Variants in DLGAP3 observed in about 807,000 individuals in gnomAD.
DLGAP3 encodes DLG associated protein 3, also known as disks large-associated protein 3.
A neutral mutation model predicts 81.2 loss-of-function variants in DLGAP3; 17 were observed. The ratio of observed to expected loss-of-function variants is 0.21; its 90% confidence interval spans 0.14 to 0.31. The LOEUF (loss-of-function observed/expected upper bound fraction) is 0.31. Among genes scored for constraint, DLGAP3 ranks in the 10% least tolerant of loss-of-function variants. DLGAP3 has a pLI of 1.00. For missense variants in DLGAP3, 1,124 were observed against 1,388.0 expected (o/e 0.81, Z 3.02); for synonymous variants, 577 against 587.4 (o/e 0.98, Z 0.26).
chr1:34,898,655 A>G (rs1639411027), intron 5 of DLGAP3, among the ~76,000 whole-genome samples: 1 of 152,210 alleles, frequency 6.6e-6, no homozygotes, highest in African/African-American at 2.4e-5. Flanking sequence ...CAAGAACACT[A>G]TTATGATGCC....
rs752428309 is a variant in DLGAP3, at chr1:34,869,061, C to T, written c.2029G>A (p.Val677Met). Residue 677 changes from valine (V) to methionine (M), a missense_variant, in exon 9 of 12, where the codon GTG (valine) becomes ATG (methionine). Physicochemically the swap from Val to Met is conservative, Grantham distance 21. Coordinates refer to ENST00000373347, the MANE Select transcript of DLGAP3 (RefSeq NM_001080418.3). ...AGGTCTGCCTGCACGCCAGCCGTCACACTATTGGAGCGCTTGAACCTTGCT... is the reference window on the plus strand; with the variant it reads ...AGGTCTGCCTGCACGCCAGCCGTCATACTATTGGAGCGCTTGAACCTTGCT... ...RRARFKRSNS[V>M]TAGVQADLEL... 1 of 1,597,790 alleles carries T rather than the reference C, an allele frequency of 6.3e-7. No individual in the cohort carries two copies. The highest frequency in any genetic ancestry group is 8.5e-7 in the Non-Finnish European group (1 of 1,178,746).
In DLGAP3 at chr1:34,865,938, G is replaced by C. The variant is rs1254582031; in HGVS notation, c.*145C>G. 4 of 753,898 alleles carry C rather than the reference G, an allele frequency of 5.3e-6. No individual in the cohort carries two copies. The highest frequency in any genetic ancestry group is 8.8e-6 in the Non-Finnish European group (4 of 453,922). 46.7% of individuals were successfully genotyped at this position (753,898 alleles called of 1,614,324 possible). ...GATCAGGAAGGTAAAAAACCCACGA[G>C]AGTGTGACGGGCCCGGGGGCCGGGG... is the stretch of plus-strand genomic sequence containing the variant. On this transcript the variant is annotated 3_prime_UTR_variant, in exon 12 of 12. Coordinates refer to ENST00000373347, the MANE Select transcript of DLGAP3 (RefSeq NM_001080418.3).
At chr1:34,874,430 G>A (rs552991865) in intron 8 of DLGAP3, among the ~76,000 whole-genome samples, 3 of 152,216 alleles carry the variant, frequency 2.0e-5, no homozygotes, top group Non-Finnish European at 2.9e-5. Context: ...TTTTGGATTT[G>A]GCAGTATTTG....
intron 1 of DLGAP3, among the ~76,000 whole-genome samples, chr1:34,928,489 T>C (rs1295655656): frequency 2.0e-5 from 3 of 151,212 alleles, no homozygotes; most frequent in Non-Finnish European, 4.4e-5. Flanking sequence ...GGGCACCCCC[T>C]GAGGTAGGTG....
intron 1 of DLGAP3, among the ~76,000 whole-genome samples, chr1:34,919,326 T>G (rs1235353391): frequency 6.6e-6 from 1 of 152,134 alleles, no homozygotes; most frequent in Non-Finnish European, 1.5e-5. Flanking sequence ...GACCCCCAAC[T>G]CCCACTTCCT....
chr1:34,883,849 G>A lies in DLGAP3; in HGVS notation c.2000+1129C>T, dbSNP rs554504972. 3.9e-5 allele frequency among the ~76,000 whole-genome samples: 6 copies of A among 152,126 alleles called. No individual in the cohort carries two copies. In the South Asian group the frequency reaches 8.3e-4, roughly 21 times the overall value. ...CAAGGACATCCCAGAAATAGCTGGG[G>A]AAATCTGGGCGAAGGACAGCAACTG... On this transcript the variant is annotated intron_variant, in intron 8 of 11. Transcript: ENST00000373347.
chr1:34,907,619 A>G (rs189668258), intron 1 of DLGAP3, among the ~76,000 whole-genome samples, 182 bp from the exon 2 acceptor site: 22 of 152,188 alleles, frequency 1.4e-4, no homozygotes, highest in Non-Finnish European at 2.4e-4. Flanking sequence ...CATTATGCAA[A>G]TACATTCAAA....
intron 1 of DLGAP3, among the ~76,000 whole-genome samples, chr1:34,921,472 A>C (rs542872056): frequency 2.6e-5 from 4 of 151,860 alleles, no homozygotes; most frequent in African/African-American, 7.3e-5. Context: ...GAGCCAACCT[A>C]CCTCTCTTTA....
intron 1 of DLGAP3, among the ~76,000 whole-genome samples, chr1:34,908,294 C>T (rs190178511): frequency 6.6e-6 from 1 of 152,266 alleles, no homozygotes; most frequent in Non-Finnish European, 1.5e-5. Context: ...GAGAATGGGA[C>T]AAGATTCAAT....
rs142149812 is a variant in DLGAP3, at chr1:34,890,107, G to C, written c.1387-3822C>G. The stretch of plus-strand genomic sequence containing the variant: ...AGCTGGTCTGAAGTACAGGGATGGC[G>C]GGAAGGGAAAAGAGGCAAATCCCCT... On this transcript the variant is annotated intron_variant, in intron 5 of 11. Coordinates refer to ENST00000373347, the MANE Select transcript of DLGAP3 (RefSeq NM_001080418.3). 2.5e-3 allele frequency among the ~76,000 whole-genome samples: 380 copies of C among 152,266 alleles called. 1 individual carries two copies. The highest frequency in any genetic ancestry group is 4.1e-3 in the Non-Finnish European group (277 of 68,032).
At chr1:34,901,317 G>A (rs138058570) in intron 3 of DLGAP3, among the ~76,000 whole-genome samples, 34 of 152,296 alleles carry the variant, frequency 2.2e-4, no homozygotes, top group African/African-American at 7.5e-4. Flanking sequence ...CACCTGAGAA[G>A]GAGTGGGCAG....
chr1:34,925,112 C>A (rs904509108), intron 1 of DLGAP3, among the ~76,000 whole-genome samples: 3 of 152,102 alleles, frequency 2.0e-5, no homozygotes, highest in Admixed American at 1.3e-4. Context: ...CACCACACAC[C>A]CCCTTTAGAA....
intron 1 of DLGAP3, among the ~76,000 whole-genome samples, chr1:34,909,068 G>T (rs1293354229): frequency 6.6e-6 from 1 of 152,162 alleles, no homozygotes. Context: ...AGCACAAAAG[G>T]CCACTTTGGC....
At chr1:34,875,578 G>A (rs1209622085) in intron 8 of DLGAP3, among the ~76,000 whole-genome samples, 1 of 152,164 alleles carries the variant, frequency 6.6e-6, no homozygotes, top group Admixed American at 6.5e-5. Flanking sequence ...GGAGGAATTA[G>A]AGGTGGAAGA....
At chr1:34,892,738 TA>T in intron 5 of DLGAP3, among the ~76,000 whole-genome samples, 1 of 152,296 alleles carries the variant, frequency 6.6e-6, no homozygotes, top group South Asian at 2.1e-4. Context: ...TCAATGAACC[TA>T]AAGTAGGTTA....
chr1:34,911,546 G>A (rs1359110017), intron 1 of DLGAP3, among the ~76,000 whole-genome samples: 2 of 152,182 alleles, frequency 1.3e-5, no homozygotes, highest in East Asian at 3.9e-4. Context: ...AGTAGCCTAT[G>A]GCTGGCTGGA....
At position 34,868,558 on chromosome 1, in the gene DLGAP3, C is replaced by T. The variant is rs375112594; in HGVS notation, c.2485+47G>A. 8.2e-4 allele frequency: 1,260 copies of T among 1,531,614 alleles called. 3 individuals carry two copies. Among genetic ancestry groups the T allele is most frequent in the Non-Finnish European group, 1.0e-3 (1,164 of 1,108,934 alleles). 94.9% of individuals were successfully genotyped at this position (1,531,614 alleles called of 1,614,324 possible). On this transcript the variant is annotated intron_variant, in intron 9 of 11. Coordinates refer to ENST00000373347, the MANE Select transcript of DLGAP3 (RefSeq NM_001080418.3). This position sits in a 1 kb window ranked among gnomAD's most constrained non-coding sequence, Gnocchi z 7.5. ...CCCATCAGGGTCTCCTGAGCACACA[C>T]GAGGCCATGGTCCCCAGAGTCCCCT...
intron 1 of DLGAP3, among the ~76,000 whole-genome samples, chr1:34,926,808 G>C (rs1639879130): frequency 6.6e-6 from 1 of 152,096 alleles, no homozygotes; most frequent in African/African-American, 2.4e-5. Context: ...AAAGGGTTTG[G>C]GGGTAACTAC....
At chr1:34,909,141 T>C (rs1205379667) in intron 1 of DLGAP3, among the ~76,000 whole-genome samples, 1 of 152,190 alleles carries the variant, frequency 6.6e-6, no homozygotes, top group African/African-American at 2.4e-5. Context: ...CTCACAGAAC[T>C]TCCCAGGGGT....
Sources: allele counts gnomAD v4.1 joint callset (sites outside exome capture counted in the v4.1 genomes callset), GRCh38; gene constraint gnomAD v4.1.1; non-coding constraint Gnocchi (gnomAD v3.1); transcripts MANE v1.5; gene names NCBI Gene and HGNC (gene_info 2026-07-23, HGNC 2026-07-21).